MGMT: variants seen among roughly 807,000 people sequenced by gnomAD.
The protein encoded by MGMT is O-6-methylguanine-DNA methyltransferase.
A neutral mutation model predicts 15.9 loss-of-function variants in MGMT; 14 were observed. The observed-to-expected ratio is 0.88, with a 90% CI of 0.58 to 1.37. The LOEUF (loss-of-function observed/expected upper bound fraction) is 1.37, where lower values mean the gene tolerates loss of function less well. MGMT is among the 40% of genes most tolerant of loss of function. The pLI is 0.00. For synonymous variants in MGMT, 130 were observed against 118.2 expected (o/e 1.10, Z -0.65); for missense variants, 282 against 268.1 (o/e 1.05, Z -0.36).
chr10:129,669,990 A>AC (rs1589926601), intron 2 of MGMT, among the ~76,000 whole-genome samples: 1 of 152,328 alleles, frequency 6.6e-6, no homozygotes, highest in East Asian at 1.9e-4. Flanking sequence ...AACCTGAACC[A>AC]TAAAAATTGC....
chr10:129,567,959 T>C (rs1482668101), intron 2 of MGMT, among the ~76,000 whole-genome samples: 2 of 152,250 alleles, frequency 1.3e-5, no homozygotes, highest in Non-Finnish European at 2.9e-5. Context: ...GATTTGTCAC[T>C]CCTAACTTAA....
At chr10:129,708,306 G>A (rs1285736298) in intron 3 of MGMT, among the ~76,000 whole-genome samples, 4 of 152,192 alleles carry the variant, frequency 2.6e-5, no homozygotes, top group African/African-American at 9.7e-5. Context: ...GACTCTCGCT[G>A]GCTGAAAGGT....
At chr10:129,634,616 A>G (rs1847245713) in intron 2 of MGMT, among the ~76,000 whole-genome samples, 1 of 151,702 alleles carries the variant, frequency 6.6e-6, no homozygotes, top group Non-Finnish European at 1.5e-5. Context: ...TGTCTAATCT[A>G]TTATTTTCAT....
intron 2 of MGMT, among the ~76,000 whole-genome samples, chr10:129,570,468 C>CGGA (rs1564855802): frequency 2.0e-5 from 3 of 152,228 alleles, no homozygotes; most frequent in African/African-American, 7.2e-5. Context: ...CCGGGTCATC[C>CGGA]GGAGAGGGAC....
intron 3 of MGMT, among the ~76,000 whole-genome samples, chr10:129,745,855 A>G (rs375139759): frequency 6.6e-6 from 1 of 152,072 alleles, no homozygotes; most frequent in East Asian, 1.9e-4. Flanking sequence ...AAATCTTTAT[A>G]TATTCTGGAT....
chr10:129,696,925 T>C (rs1848039351), intron 2 of MGMT, among the ~76,000 whole-genome samples: 2 of 152,308 alleles, frequency 1.3e-5, no homozygotes, highest in South Asian at 2.1e-4. Context: ...GGGTTGACAG[T>C]AGGGGACACG....
At chr10:129,716,320 C>T (rs1848296850) in intron 3 of MGMT, among the ~76,000 whole-genome samples, 1 of 152,198 alleles carries the variant, frequency 6.6e-6, no homozygotes, top group Non-Finnish European at 1.5e-5. Flanking sequence ...GTTACTATGA[C>T]AACGACTTTT....
At chr10:129,477,612 G>C (rs533594388) in intron 1 of MGMT, among the ~76,000 whole-genome samples, 2 of 152,200 alleles carry the variant, frequency 1.3e-5, no homozygotes, top group Non-Finnish European at 2.9e-5. Flanking sequence ...CCCATACCGT[G>C]TGAGGACACA....
intron 1 of MGMT, among the ~76,000 whole-genome samples, chr10:129,535,439 GA>G (rs1359535515): frequency 6.6e-6 from 1 of 152,192 alleles, no homozygotes. Flanking sequence ...GTAGCCTATA[GA>G]TGTGTTCCCC....
chr10:129,485,782 C>T (rs960723486), intron 1 of MGMT, among the ~76,000 whole-genome samples: 1 of 152,180 alleles, frequency 6.6e-6, no homozygotes, highest in African/African-American at 2.4e-5. Context: ...AGTGGGATCC[C>T]CACCAAGTTA....
At position 129,558,701 on chromosome 10, in the gene MGMT, T is replaced by C. The variant is rs1453338247; in HGVS notation, c.125+22324T>C. Among the ~76,000 whole-genome samples, 5 of 152,348 alleles carry C rather than the reference T, an allele frequency of 3.3e-5. No individual in the cohort carries two copies. In the East Asian group the frequency reaches 5.8e-4, roughly 18 times the overall value. On this transcript the variant is annotated intron_variant, in intron 2 of 4. Coordinates refer to ENST00000651593, the MANE Select transcript of MGMT (RefSeq NM_002412.5). ...GGCGTCTCTCCTGATGTTGCCGCCCTGCACGGCCGTTGGAGAGTACTTGCA... is the reference window on the plus strand; with the variant it reads ...GGCGTCTCTCCTGATGTTGCCGCCCCGCACGGCCGTTGGAGAGTACTTGCA...
rs10829628 is a variant in MGMT at position 129,770,564 on chromosome 10, C to A, written c.*3567C>A. 0.087 allele frequency among the ~76,000 whole-genome samples: 13,243 copies of A among 152,284 alleles called. 826 individuals carry two copies. Among genetic ancestry groups the A allele is most frequent in the Non-Finnish European group, 0.13 (8,765 of 68,006 alleles). On this transcript the variant is annotated 3_prime_UTR_variant, in exon 5 of 5. Transcript: ENST00000651593. Reference sequence around the variant, plus strand: ...GGCGGTGGCGCCAGCTCGGACTTCACCCCGTTGGAGCGGGCAGGATGTCAC... The same window carrying A: ...GGCGGTGGCGCCAGCTCGGACTTCAACCCGTTGGAGCGGGCAGGATGTCAC...
chr10:129,627,065 T>C (rs1267066589), intron 2 of MGMT, among the ~76,000 whole-genome samples: 2 of 152,168 alleles, frequency 1.3e-5, no homozygotes, highest in Non-Finnish European at 2.9e-5. Flanking sequence ...GCAAGTGGGC[T>C]CACAGGCAAG....
In MGMT at chr10:129,751,848, A is replaced by G. The variant is rs147048801; in HGVS notation, c.275-7354A>G. On this transcript the variant is annotated intron_variant, in intron 3 of 4. Transcript: ENST00000651593. The stretch of plus-strand genomic sequence containing the variant: ...ATGGTTTTTGTCGATTTCTAGTCTA[A>G]TTCCATTATGATCAGAGGATGTAAC... 5.3e-3 allele frequency among the ~76,000 whole-genome samples: 805 copies of G among 152,042 alleles called. 11 individuals are homozygous for G. The highest frequency in any genetic ancestry group is 0.017 in the African/African-American group (715 of 41,542).
At chr10:129,525,547 T>C (rs1477173927) in intron 1 of MGMT, among the ~76,000 whole-genome samples, 2 of 152,126 alleles carry the variant, frequency 1.3e-5, no homozygotes, top group African/African-American at 2.4e-5. Context: ...TCTTTGACCA[T>C]CCCTAATTCC....
chr10:129,737,679 G>A (rs1848580018), intron 3 of MGMT, among the ~76,000 whole-genome samples: 1 of 152,154 alleles, frequency 6.6e-6, no homozygotes. Flanking sequence ...CCCCATCTTT[G>A]TGGTTTTATC....
intron 2 of MGMT, among the ~76,000 whole-genome samples, chr10:129,623,816 C>T (rs1299697071): frequency 6.6e-6 from 1 of 152,198 alleles, no homozygotes; most frequent in Non-Finnish European, 1.5e-5. Flanking sequence ...CCACTGTGCC[C>T]AGCCTAATCT....
intron 2 of MGMT, among the ~76,000 whole-genome samples, chr10:129,647,738 T>G (rs553762168): frequency 6.6e-6 from 1 of 152,246 alleles, no homozygotes; most frequent in Non-Finnish European, 1.5e-5. Flanking sequence ...TTGGGTGATT[T>G]TGTTCTGCTC....
chr10:129,487,998 T>C lies in MGMT; in HGVS notation c.-13+20702T>C, dbSNP rs910889292. On this transcript the variant is annotated intron_variant, in intron 1 of 4. Transcript: ENST00000651593. Reference sequence around the variant, plus strand: ...GCAGGTATACACACACACACACACATAGGTATACACACACACACACACACA... The same window carrying C: ...GCAGGTATACACACACACACACACACAGGTATACACACACACACACACACA... Among the ~76,000 whole-genome samples, 242 of 39,768 alleles carry C rather than the reference T, an allele frequency of 6.1e-3. 3 individuals carry two copies. Among genetic ancestry groups the C allele is most frequent in the South Asian group, 0.019 (21 of 1,116 alleles). The allele number at this position is 39,768 out of a possible 152,430, so 26.1% of individuals were successfully genotyped here.
Sources: allele counts gnomAD v4.1 joint callset (sites outside exome capture counted in the v4.1 genomes callset), GRCh38; gene constraint gnomAD v4.1.1; transcripts MANE v1.5; gene names NCBI Gene and HGNC (gene_info 2026-07-23, HGNC 2026-07-21).